DIP2C: variants seen among roughly 807,000 people sequenced by gnomAD.
DIP2C encodes the protein DIP2 acetate--CoA ligase C (putative).
A neutral mutation model predicts 192.4 loss-of-function variants in DIP2C; 33 were observed. The observed-to-expected ratio is 0.17, with a 90% CI of 0.13 to 0.23. The LOEUF is 0.23. Ranked by LOEUF, DIP2C falls within the 10% of genes least tolerant of loss-of-function variation. The pLI is 1.00. For missense variants in DIP2C, 1,537 were observed against 2,110.1 expected (o/e 0.73, Z 5.32); for synonymous variants, 979 against 864.1 (o/e 1.13, Z -2.33).
intron 4 of DIP2C, 27 bp from the exon 5 acceptor site, chr10:423,060 G>A (rs1040842607): frequency 5.8e-6 from 9 of 1,558,248 alleles, no homozygotes; most frequent in East Asian, 2.3e-5. Flanking sequence ...GTGATTTGCT[G>A]TATGTTGCAG....
rs535363028 is a variant in DIP2C, at chr10:589,983, C to T, written c.85+99511G>A. Among the ~76,000 whole-genome samples, 25 of 152,328 alleles carry T rather than the reference C, an allele frequency of 1.6e-4. No individual in the cohort carries two copies. In the South Asian group the frequency reaches 3.3e-3, roughly 20 times the overall value. On this transcript the variant is annotated intron_variant, in intron 1 of 36. Transcript: ENST00000280886. ...ATAAATCACCGTATCAAGATTCTGACGGTTGACTAGAAGAGAAATACCTTT... is the reference window on the plus strand; with the variant it reads ...ATAAATCACCGTATCAAGATTCTGATGGTTGACTAGAAGAGAAATACCTTT...
At chr10:388,047 C>T (rs1018065026) in intron 13 of DIP2C, among the ~76,000 whole-genome samples, 29 of 152,192 alleles carry the variant, frequency 1.9e-4, no homozygotes, top group Admixed American at 2.6e-4. Context: ...CTCCACACTG[C>T]ACCTTAAAAC....
At chr10:462,739 C>A (rs926329971) in intron 3 of DIP2C, among the ~76,000 whole-genome samples, 4 of 152,164 alleles carry the variant, frequency 2.6e-5, no homozygotes, top group Non-Finnish European at 5.9e-5. Context: ...AATGTCAGGC[C>A]GATATCCCTG....
intron 1 of DIP2C, among the ~76,000 whole-genome samples, chr10:624,525 G>T (rs534429790): frequency 6.6e-6 from 1 of 152,186 alleles, no homozygotes; most frequent in African/African-American, 2.4e-5. Context: ...TAGGGTGTAC[G>T]AACACAAAGT....
At chr10:532,500 T>C (rs1356405268) in intron 1 of DIP2C, among the ~76,000 whole-genome samples, 1 of 152,136 alleles carries the variant, frequency 6.6e-6, no homozygotes, top group Non-Finnish European at 1.5e-5. Context: ...TTTCTGTCCA[T>C]TTAGAATTGG....
chr10:355,147 C>T (rs1959017636), intron 24 of DIP2C, among the ~76,000 whole-genome samples: 1 of 152,178 alleles, frequency 6.6e-6, no homozygotes, highest in African/African-American at 2.4e-5. Flanking sequence ...TCCGTCACAG[C>T]ACCAGCGAAC....
chr10:522,775 C>T (rs888125516), intron 1 of DIP2C, among the ~76,000 whole-genome samples: 4 of 152,224 alleles, frequency 2.6e-5, no homozygotes, highest in Non-Finnish European at 5.9e-5. Context: ...GTTTGGATAA[C>T]AGCCTTTATC....
At chr10:328,918 G>A (rs929898859) in intron 30 of DIP2C, among the ~76,000 whole-genome samples, 9 of 152,114 alleles carry the variant, frequency 5.9e-5, no homozygotes, top group East Asian at 3.9e-4. Context: ...TTTAAATGGA[G>A]GGAAATACTA....
Position 557,769 on chromosome 10 carries a change from G to A in DIP2C, c.86-71239C>T, listed in dbSNP as rs1283260686. On this transcript the variant is annotated intron_variant, in intron 1 of 36. Coordinates refer to ENST00000280886, the MANE Select transcript of DIP2C (RefSeq NM_014974.3). ...GATGGGTGGGAAGGGGGAGGGGGAGGATGGGCGGGGAGGGGGCGGGGGCAG... is the reference window on the plus strand; with the variant it reads ...GATGGGTGGGAAGGGGGAGGGGGAGAATGGGCGGGGAGGGGGCGGGGGCAG... Among the ~76,000 whole-genome samples the A allele has an allele frequency of 1.1e-3, 75 of 68,384 alleles. 1 individual carries two copies. Among genetic ancestry groups the A allele is most frequent in the African/African-American group, 4.5e-3 (66 of 14,716 alleles). The allele number at this position is 68,384 out of a possible 152,430, so 44.9% of individuals were successfully genotyped here.
At chr10:611,071 A>C (rs1267033994) in intron 1 of DIP2C, among the ~76,000 whole-genome samples, 8 of 151,384 alleles carry the variant, frequency 5.3e-5, no homozygotes, top group Admixed American at 2.6e-4. Flanking sequence ...CCAGTGTTGG[A>C]GGTGGGCCCT....
chr10:631,820 G>A (rs1049419107), intron 1 of DIP2C, among the ~76,000 whole-genome samples: 8 of 152,208 alleles, frequency 5.3e-5, no homozygotes, highest in Non-Finnish European at 5.9e-5. Flanking sequence ...CAAGCATGAA[G>A]TTTGGCGAAG....
At chr10:389,240 A>G (rs546824773) in intron 13 of DIP2C, among the ~76,000 whole-genome samples, 3 of 152,236 alleles carry the variant, frequency 2.0e-5, no homozygotes, top group East Asian at 1.9e-4. Flanking sequence ...CTCAGGGTAC[A>G]TCACAACGTC....
intron 1 of DIP2C, among the ~76,000 whole-genome samples, chr10:537,717 G>A (rs888916713): frequency 3.3e-5 from 5 of 152,104 alleles, no homozygotes; most frequent in Non-Finnish European, 1.5e-5. Flanking sequence ...TCTAGGTGGT[G>A]CAAACCCATT....
At chr10:478,878 C>CAGAGAAGATAGGGGGAGGA (rs1843377918) in intron 2 of DIP2C, among the ~76,000 whole-genome samples, 1 of 152,096 alleles carries the variant, frequency 6.6e-6, no homozygotes, top group Non-Finnish European at 1.5e-5. Flanking sequence ...CCTTAGCTCC[C>CAGAGAAGATAGGGGGAGGA]AGAGAAGATA....
At chr10:441,025 T>G (rs747637667) in intron 3 of DIP2C, 29 bp from the exon 4 acceptor site, 1 of 1,601,978 alleles carries the variant, frequency 6.2e-7, no homozygotes, top group South Asian at 1.1e-5. Context: ...AGTCACTCAG[T>G]GCTCAGCTGA....
chr10:328,616 C>T (rs1189277200), intron 30 of DIP2C, among the ~76,000 whole-genome samples: 3 of 152,064 alleles, frequency 2.0e-5, no homozygotes, highest in Non-Finnish European at 4.4e-5. Flanking sequence ...AAAATGATTG[C>T]ACAATTACTT....
chr10:686,757 C>T (rs1279225023), intron 1 of DIP2C, among the ~76,000 whole-genome samples: 1 of 152,274 alleles, frequency 6.6e-6, no homozygotes, highest in African/African-American at 2.4e-5. Context: ...AGGATGGAGC[C>T]CTCGGCCCCG....
chr10:397,892 AG>A (rs2133008784), intron 10 of DIP2C, among the ~76,000 whole-genome samples: 1 of 152,298 alleles, frequency 6.6e-6, no homozygotes, highest in South Asian at 2.1e-4. Flanking sequence ...GATGGGAAGG[AG>A]GGGTCGGACA....
At chr10:347,442 C>CACCCA (rs1958542563) in intron 26 of DIP2C, among the ~76,000 whole-genome samples, 37 of 142,036 alleles carry the variant, frequency 2.6e-4, no homozygotes, top group South Asian at 4.6e-4. Context: ...ACGTCACACG[C>CACCCA]ACCCAGACAC....
Sources: gnomAD v4.1 joint callset for allele counts (sites outside exome capture counted in the v4.1 genomes callset) on GRCh38, gnomAD v4.1.1 for gene constraint, MANE v1.5 for transcripts, NCBI Gene and HGNC (gene_info 2026-07-23, HGNC 2026-07-21) for gene names.